Variants in NCALD observed in about 807,000 individuals in gnomAD.
NCALD encodes neurocalcin delta.
NCALD carries 10 observed loss-of-function variants against 18.6 expected under a neutral mutation model. The ratio of observed to expected loss-of-function variants is 0.54; its 90% confidence interval spans 0.33 to 0.91. The LOEUF (loss-of-function observed/expected upper bound fraction) is 0.91. Among genes scored for constraint, NCALD ranks in the 40% least tolerant of loss-of-function variants. NCALD has a pLI of 0.03. For missense variants in NCALD, 184 were observed against 247.6 expected, an observed-to-expected ratio of 0.74 and a Z score of 1.72; for synonymous variants, 88 against 87.4, an observed-to-expected ratio of 1.01 and a Z score of -0.04.
intron 3 of NCALD, among the ~76,000 whole-genome samples, chr8:101,909,837 G>C (rs377060013): frequency 6.6e-6 from 1 of 152,146 alleles, no homozygotes; most frequent in African/African-American, 2.4e-5. Flanking sequence ...CTTAAGAACA[G>C]AGATTGACAT....
intron 4 of NCALD, among the ~76,000 whole-genome samples, chr8:101,871,383 C>T (rs1002420231): frequency 9.2e-5 from 14 of 152,262 alleles, no homozygotes; most frequent in African/African-American, 2.9e-4. Flanking sequence ...TGACTTGGCT[C>T]CTAACATACC....
At chr8:101,882,193 C>T (rs1315985149) in intron 4 of NCALD, among the ~76,000 whole-genome samples, 1 of 152,138 alleles carries the variant, frequency 6.6e-6, no homozygotes, top group Non-Finnish European at 1.5e-5. Flanking sequence ...ACAACATGTC[C>T]ATCATTCCTC....
rs1458646370 is a variant in NCALD at position 101,872,581 on chromosome 8, G to T, written c.-20+14560C>A. The T allele has an allele frequency of 1.6e-5, 9 of 569,108 alleles. No homozygotes were observed. In the East Asian group the frequency reaches 2.4e-4, roughly 15 times the overall value. 35.3% of individuals were successfully genotyped at this position (569,108 alleles called of 1,614,324 possible). ...TCCAATCGCTCAAGCCAATCGTGCT[G>T]GGGAATTCAGATTTTCTAAAAACAT... On this transcript the variant is annotated intron_variant, in intron 4 of 6. Transcript: ENST00000311028.
At chr8:102,124,222 G>C (rs1396207369) in intron 1 of NCALD, 1 of 151,682 alleles carries the variant, frequency 6.6e-6, no homozygotes, top group Non-Finnish European at 1.5e-5. Flanking sequence ...GCGGAGGGAA[G>C]GCGCTGCGAC....
intron 2 of NCALD, among the ~76,000 whole-genome samples, chr8:101,986,087 G>T (rs1002719754): frequency 1.3e-5 from 2 of 151,786 alleles, no homozygotes; most frequent in African/African-American, 4.8e-5. Context: ...CGCCCAGGCA[G>T]TGGCGCGATC....
intron 4 of NCALD, among the ~76,000 whole-genome samples, chr8:101,883,535 A>G (rs1291600039): frequency 6.6e-6 from 1 of 152,152 alleles, no homozygotes; most frequent in African/African-American, 2.4e-5. Flanking sequence ...AACAAGAACA[A>G]ATTAATACAA....
chr8:101,857,309 A>C (rs1266071607), intron 4 of NCALD, among the ~76,000 whole-genome samples: 2 of 152,160 alleles, frequency 1.3e-5, no homozygotes, highest in African/African-American at 4.8e-5. Flanking sequence ...ACAATTTCTC[A>C]GTTTCTCTTT....
At chr8:101,970,025 T>C (rs549293317) in intron 2 of NCALD, among the ~76,000 whole-genome samples, 3 of 152,256 alleles carry the variant, frequency 2.0e-5, no homozygotes, top group South Asian at 2.1e-4. Flanking sequence ...AGAGTAATAC[T>C]ACAAATAATA....
chr8:101,972,194 C>G (rs763383614), intron 2 of NCALD, among the ~76,000 whole-genome samples: 1 of 152,130 alleles, frequency 6.6e-6, no homozygotes, highest in Non-Finnish European at 1.5e-5. Context: ...GGAAAAAAAT[C>G]AAGTACTTCC....
At chr8:101,962,217 G>C (rs973591714) in intron 2 of NCALD, among the ~76,000 whole-genome samples, 127 of 152,286 alleles carry the variant, frequency 8.3e-4, no homozygotes, top group African/African-American at 2.9e-3. Flanking sequence ...CAACAAGTTT[G>C]AAAACAATGC....
intron 4 of NCALD, among the ~76,000 whole-genome samples, chr8:101,841,831 G>A (rs1471410355): frequency 6.6e-6 from 1 of 152,064 alleles, no homozygotes; most frequent in Non-Finnish European, 1.5e-5. Context: ...GTCTGCTGAG[G>A]GGCCCTAATG....
At chr8:102,018,146 G>A (rs1409796244) in intron 2 of NCALD, among the ~76,000 whole-genome samples, 2 of 152,158 alleles carry the variant, frequency 1.3e-5, no homozygotes, top group African/African-American at 4.8e-5. Flanking sequence ...ATGTAAAATG[G>A]CACAGTCATT....
chr8:101,728,608 C>CA (rs1229889763), intron 1 of NCALD, among the ~76,000 whole-genome samples: 2 of 152,128 alleles, frequency 1.3e-5, no homozygotes, highest in African/African-American at 4.8e-5. Context: ...ATCACGAGGT[C>CA]AGAAGATCGA....
At chr8:102,033,755 A>G (rs58158812) in intron 1 of NCALD, among the ~76,000 whole-genome samples, 12,514 of 152,192 alleles carry the variant, frequency 0.082, 1,406 homozygotes, top group African/African-American at 0.25. Context: ...GGGGTGCCTT[A>G]TTACTTCCAT....
rs71268530 is a variant in NCALD at position 101,801,643 on chromosome 8, C to CTT, written c.-19-81997_-19-81996dup. ...TCTCTATGATTTACAAGCACACTTA[C>CTT]TTTTTTTTTTTTTTTTTTTTTTTTT... On this transcript the variant is annotated intron_variant, in intron 4 of 6. Coordinates refer to the NCALD transcript ENST00000311028. 1.4e-3 allele frequency among the ~76,000 whole-genome samples: 63 copies of CTT among 44,166 alleles called. 23 individuals carry two copies. Among genetic ancestry groups the CTT allele is most frequent in the Admixed American group, 4.8e-3 (14 of 2,890 alleles). The allele number at this position is 44,166 out of a possible 152,430, so 29.0% of individuals were successfully genotyped here. A position where few individuals can be genotyped will look rare whatever the true frequency, so the allele number is the denominator to read the frequency against.
chr8:101,885,023 A>C (rs1816627317), intron 4 of NCALD, among the ~76,000 whole-genome samples: 1 of 152,212 alleles, frequency 6.6e-6, no homozygotes, highest in African/African-American at 2.4e-5. Context: ...AAGGGCTAAA[A>C]CGCATTCATT....
At chr8:102,021,635 C>T (rs905480820) in intron 1 of NCALD, among the ~76,000 whole-genome samples, 5 of 152,222 alleles carry the variant, frequency 3.3e-5, no homozygotes, top group African/African-American at 1.2e-4. Context: ...GCACCAGGTG[C>T]CTCCACCATG....
chr8:101,905,605 C>T (rs1302566534), intron 3 of NCALD, among the ~76,000 whole-genome samples: 1 of 152,174 alleles, frequency 6.6e-6, no homozygotes, highest in Non-Finnish European at 1.5e-5. Flanking sequence ...CTTCTACTTA[C>T]ATCCACCCTC....
At chr8:101,893,349 A>G (rs1387689086) in intron 3 of NCALD, among the ~76,000 whole-genome samples, 1 of 151,230 alleles carries the variant, frequency 6.6e-6, no homozygotes, top group Non-Finnish European at 1.5e-5. Flanking sequence ...GACCTAAAAG[A>G]GCTCCTGAAG....
Sources: gnomAD v4.1 joint callset for allele counts (sites outside exome capture counted in the v4.1 genomes callset) on GRCh38, gnomAD v4.1.1 for gene constraint, MANE v1.5 for transcripts, NCBI Gene and HGNC (gene_info 2026-07-23, HGNC 2026-07-21) for gene names.